EXOC4: variants seen among roughly 807,000 people sequenced by gnomAD.
EXOC4 encodes SEC8-like 1.
In EXOC4, 71 loss-of-function variants were observed where a neutral mutation model predicts 107.2. The observed-to-expected ratio is 0.66, with a 90% CI of 0.55 to 0.81. The LOEUF (loss-of-function observed/expected upper bound fraction) is 0.81. Ranked by LOEUF, EXOC4 falls within the 30% of genes least tolerant of loss-of-function variation. The pLI is 0.00. For synonymous variants in EXOC4, 456 were observed against 441.2 expected (o/e 1.03, Z -0.42); for missense variants, 1,108 against 1,189.6 (o/e 0.93, Z 1.01).
At chr7:133,689,665 G>T (rs575971094) in intron 10 of EXOC4, among the ~76,000 whole-genome samples, 4 of 152,188 alleles carry the variant, frequency 2.6e-5, no homozygotes, top group South Asian at 4.1e-4. Flanking sequence ...GATATTCAGG[G>T]TGAGGGACTT....
At chr7:133,934,567 T>A (rs1363950364) in intron 13 of EXOC4, among the ~76,000 whole-genome samples, 1 of 152,172 alleles carries the variant, frequency 6.6e-6, no homozygotes, top group Non-Finnish European at 1.5e-5. Flanking sequence ...AGATCCCCAC[T>A]CAAGCAGATT....
At chr7:133,737,917 T>TTTTC (rs1304531249) in intron 10 of EXOC4, among the ~76,000 whole-genome samples, 1 of 137,232 alleles carries the variant, frequency 7.3e-6, no homozygotes, top group Non-Finnish European at 1.6e-5. Context: ...TTCTTTTTTT[T>TTTTC]TTTTTTTTTT....
At chr7:134,004,861 TC>T in intron 15 of EXOC4, 50 bp from the exon 16 acceptor site, 1 of 1,494,728 alleles carries the variant, frequency 6.7e-7, no homozygotes, top group Non-Finnish European at 9.1e-7. Context: ...ATCATTGCCC[TC>T]CCTGGAAGGA....
chr7:133,808,749 A>G (rs1797142982), intron 10 of EXOC4, among the ~76,000 whole-genome samples: 1 of 151,914 alleles, frequency 6.6e-6, no homozygotes. Context: ...GGATTTTATT[A>G]TGAGTTGTAG....
At chr7:133,691,738 C>T (rs531067588) in intron 10 of EXOC4, among the ~76,000 whole-genome samples, 27 of 152,174 alleles carry the variant, frequency 1.8e-4, no homozygotes, top group Non-Finnish European at 8.8e-5. Context: ...AATTAGGTGG[C>T]CACTTTGAGA....
chr7:133,881,974 C>T (rs1798975800), intron 11 of EXOC4, among the ~76,000 whole-genome samples: 1 of 152,136 alleles, frequency 6.6e-6, no homozygotes, highest in African/African-American at 2.4e-5. Flanking sequence ...TAACCACCAA[C>T]CAGATGCCTT....
At chr7:133,745,710 C>CTTT (rs766551871) in intron 10 of EXOC4, among the ~76,000 whole-genome samples, 3 of 126,516 alleles carry the variant, frequency 2.4e-5, no homozygotes, top group Admixed American at 7.8e-5. Context: ...TCCTGTTACT[C>CTTT]TTTTTTTTTT....
At chr7:133,495,226 T>C (rs1799449587) in intron 9 of EXOC4, among the ~76,000 whole-genome samples, 1 of 151,934 alleles carries the variant, frequency 6.6e-6, no homozygotes, top group African/African-American at 2.4e-5. Flanking sequence ...CACTCCAGCC[T>C]GGGTGACAAG....
At chr7:133,487,735 A>C (rs1336377257) in intron 9 of EXOC4, among the ~76,000 whole-genome samples, 2 of 152,130 alleles carry the variant, frequency 1.3e-5, no homozygotes, top group Non-Finnish European at 2.9e-5. Flanking sequence ...AACAAAAAAA[A>C]CGAAATTTGT....
chr7:133,729,831 A>G (rs543025575), intron 10 of EXOC4, among the ~76,000 whole-genome samples: 2 of 152,170 alleles, frequency 1.3e-5, no homozygotes, highest in South Asian at 2.1e-4. Flanking sequence ...TGTATTCAAA[A>G]GATAGATTCT....
intron 14 of EXOC4, among the ~76,000 whole-genome samples, chr7:133,949,321 T>G (rs1800630967): frequency 6.6e-6 from 1 of 152,214 alleles, no homozygotes; most frequent in African/African-American, 2.4e-5. Context: ...TAATAGCAGT[T>G]AATTCTGTGT....
intron 14 of EXOC4, among the ~76,000 whole-genome samples, chr7:133,995,076 G>A (rs929350778): frequency 6.6e-6 from 1 of 152,168 alleles, no homozygotes; most frequent in Non-Finnish European, 1.5e-5. Context: ...TTATGGTCAA[G>A]TGAAATGTAC....
At chr7:133,734,905 T>A (rs1160798772) in intron 10 of EXOC4, among the ~76,000 whole-genome samples, 2 of 151,626 alleles carry the variant, frequency 1.3e-5, no homozygotes. Flanking sequence ...CTCACTTCAT[T>A]GTCTGTATAT....
At chr7:133,758,546 C>G (rs1382553529) in intron 10 of EXOC4, among the ~76,000 whole-genome samples, 1 of 152,220 alleles carries the variant, frequency 6.6e-6, no homozygotes, top group Non-Finnish European at 1.5e-5. Context: ...CTGAGGAGCT[C>G]TCTGTCTGGG....
At position 133,631,134 on chromosome 7, in the gene EXOC4, G is replaced by A. The variant is rs142044603; in HGVS notation, c.1514+993G>A. Among the ~76,000 whole-genome samples, 190 of 152,144 alleles carry A rather than the reference G, an allele frequency of 1.2e-3. 3 individuals carry two copies. In the Middle Eastern group the frequency reaches 0.017, roughly 14 times the overall value. On this transcript the variant is annotated intron_variant, in intron 10 of 17. Coordinates refer to ENST00000253861, the MANE Select transcript of EXOC4 (RefSeq NM_021807.4). ...CAGATATCTAATATATCAATTGTGT[G>A]TTTTCTCTGTAAAGAACCAGAGTAT... is the stretch of plus-strand genomic sequence containing the variant.
At chr7:133,677,296 A>G (rs963711936) in intron 10 of EXOC4, among the ~76,000 whole-genome samples, 5 of 152,112 alleles carry the variant, frequency 3.3e-5, no homozygotes, top group African/African-American at 1.2e-4. Flanking sequence ...TAAGCCTTCT[A>G]CCAAATCCAT....
intron 17 of EXOC4, among the ~76,000 whole-genome samples, chr7:134,038,652 T>G (rs1332692882): frequency 6.6e-6 from 1 of 152,148 alleles, no homozygotes; most frequent in African/African-American, 2.4e-5. Context: ...ACTTCTCCTG[T>G]TTATTTACCT....
intron 17 of EXOC4, among the ~76,000 whole-genome samples, chr7:134,015,272 T>C (rs998205018): frequency 1.3e-5 from 2 of 152,208 alleles, no homozygotes; most frequent in African/African-American, 4.8e-5. Flanking sequence ...ATATTTCGTA[T>C]TTACTTATTT....
intron 3 of EXOC4, among the ~76,000 whole-genome samples, chr7:133,293,203 C>T (rs564838099): frequency 6.6e-6 from 1 of 152,088 alleles, no homozygotes; most frequent in Non-Finnish European, 1.5e-5. Flanking sequence ...GCAAAAATTT[C>T]GTGGAGGTAG....
Sources: gnomAD v4.1 joint callset for allele counts (sites outside exome capture counted in the v4.1 genomes callset) on GRCh38, gnomAD v4.1.1 for gene constraint, MANE v1.5 for transcripts, NCBI Gene and HGNC (gene_info 2026-07-23, HGNC 2026-07-21) for gene names.